ING3: variants seen among roughly 807,000 people sequenced by gnomAD.
ING3 encodes inhibitor of growth family member 3.
ING3 carries 6 observed loss-of-function variants against 64.8 expected under a neutral mutation model. The ratio of observed to expected loss-of-function variants is 0.09; its 90% CI spans 0.05 to 0.18. ING3 has a LOEUF of 0.18. ING3 is among the 10% of genes least tolerant of loss of function. The pLI is 1.00. For synonymous variants in ING3, 170 were observed against 173.7 expected (o/e 0.98, Z 0.17); for missense variants, 310 against 489.7 (o/e 0.63, Z 3.46).
chr7:120,956,050 A>G, intron 4 of ING3: 2 of 757,508 alleles, frequency 2.6e-6, no homozygotes, highest in Non-Finnish European at 4.6e-6. Context: ...AAGAAGAATC[A>G]TTTGAATCAG....
chr7:120,964,351 T>C (rs1419609693), intron 4 of ING3, among the ~76,000 whole-genome samples: 1 of 152,158 alleles, frequency 6.6e-6, no homozygotes, highest in Non-Finnish European at 1.5e-5. Context: ...GATGGCCTTA[T>C]AAGCAGGAGG....
At chr7:120,953,187 T>C in intron 2 of ING3, 117 bp from the exon 3 acceptor site, 2 of 542,642 alleles carry the variant, frequency 3.7e-6, no homozygotes, top group South Asian at 5.6e-5. Context: ...CATATTTAAG[T>C]TACTGGCAAG....
chr7:120,968,112 A>G, intron 8 of ING3, 21 bp downstream of exon 8: 1 of 1,600,158 alleles, frequency 6.2e-7, no homozygotes, highest in South Asian at 1.1e-5. Flanking sequence ...AAGGGTTTAG[A>G]GACAAAATGT....
Position 120,974,898 on chromosome 7 carries a change from G to A in ING3, c.*54G>A. ...AAACTTCAGCTGAAGATTTTATATA[G>A]GACTTTAAAAAGAAGAGAAGAGAAA... On this transcript the variant is annotated 3_prime_UTR_variant, in exon 12 of 12. Coordinates refer to ENST00000315870, the MANE Select transcript of ING3 (RefSeq NM_019071.3). 1 of 1,235,678 alleles carries A rather than the reference G, an allele frequency of 8.1e-7. No homozygotes were observed. Among genetic ancestry groups the A allele is most frequent in the Non-Finnish European group, 1.2e-6 (1 of 867,442 alleles). The allele number at this position is 1,235,678 out of a possible 1,614,324, so 76.5% of individuals were successfully genotyped here. A position where few individuals can be genotyped will look rare whatever the true frequency, so the allele number is the denominator to read the frequency against.
chr7:120,973,310 C>G (rs549318099), intron 11 of ING3, 67 bp downstream of exon 11: 10 of 1,053,308 alleles, frequency 9.5e-6, no homozygotes, highest in Non-Finnish European at 1.5e-5. Context: ...GAATATTTGT[C>G]TTATTTGCTG....
chr7:120,967,422 G>C (rs1483764718), intron 6 of ING3, 107 bp from the exon 7 acceptor site: 3 of 715,122 alleles, frequency 4.2e-6, no homozygotes, highest in Non-Finnish European at 6.4e-6. Flanking sequence ...TGTATTTTAT[G>C]AGGAACCCAG....
chr7:120,964,915 G>T (rs529358797), intron 5 of ING3, 77 bp downstream of exon 5: 2 of 1,189,178 alleles, frequency 1.7e-6, no homozygotes, highest in South Asian at 2.6e-5. Context: ...GTCCCACAGA[G>T]GCTTTTGAAA....
At chr7:120,961,176 A>G (rs1042932845) in intron 4 of ING3, among the ~76,000 whole-genome samples, 1 of 152,194 alleles carries the variant, frequency 6.6e-6, no homozygotes, top group Admixed American at 6.5e-5. Flanking sequence ...GTTATATGCT[A>G]AGGCCTCTCA....
At chr7:120,964,579 C>T (rs893250488) in intron 4 of ING3, among the ~76,000 whole-genome samples, 163 bp from the exon 5 acceptor site, 2 of 152,120 alleles carry the variant, frequency 1.3e-5, no homozygotes, top group Non-Finnish European at 2.9e-5. Flanking sequence ...GCCTAACACC[C>T]TCATTTTATA....
chr7:120,965,916 GTGAGTAA>G (rs1795991545), intron 5 of ING3, among the ~76,000 whole-genome samples: 1 of 152,160 alleles, frequency 6.6e-6, no homozygotes, highest in East Asian at 1.9e-4. Flanking sequence ...GATGATAGCT[GTGAGTAA>G]TGATAATTCA....
intron 5 of ING3, 124 bp downstream of exon 5, chr7:120,964,962 T>C (rs548452439): frequency 1.4e-6 from 1 of 700,216 alleles, no homozygotes; most frequent in Non-Finnish European, 2.5e-6. Context: ...CCAGGCCAGA[T>C]AGCTTGGACC....
intron 5 of ING3, among the ~76,000 whole-genome samples, chr7:120,965,915 TGTGA>T (rs1273907558): frequency 6.6e-6 from 1 of 152,218 alleles, no homozygotes; most frequent in East Asian, 1.9e-4. Context: ...TGATGATAGC[TGTGA>T]GTAATGATAA....
In ING3 at chr7:120,969,132, C is replaced by T. The variant is rs753997717; in HGVS notation, c.836C>T (p.Ser279Leu). 19 of 1,613,956 alleles carry T rather than the reference C, an allele frequency of 1.2e-5. No individual in the cohort carries two copies. The highest frequency in any genetic ancestry group is 6.7e-5 in the Admixed American group (4 of 59,988). Residue 279 changes from serine (S) to leucine (L), a missense_variant, in exon 9 of 12, where the codon TCG becomes TTG. Ser to Leu is a moderately radical substitution (Grantham distance 145, BLOSUM62 -2). Transcript: ENST00000315870. ...GAAACAGTTGGCTATTCATCATCTT[C>T]GGCACTTATGACAACATTAACACAG... The part of the protein sequence containing the change: ...ARETVGYSSS[S>L]ALMTTLTQNA...
chr7:120,951,130 G>A (rs1408924319), intron 1 of ING3, 34 bp from the exon 2 acceptor site: 1 of 1,610,682 alleles, frequency 6.2e-7, no homozygotes, highest in African/African-American at 1.3e-5. Flanking sequence ...TTCGCCGTTG[G>A]CCCCGCCCCT....
Position 120,964,721 on chromosome 7 carries a change from CT to C in ING3, c.268-18del. ...CAGTGTCCCAAATTTTGGTGGTTAT[CT>C]TTGATCTTCTTTGAAACAGGTAGAT... On this transcript the variant is annotated intron_variant, in intron 4 of 11. Coordinates refer to ENST00000315870, the MANE Select transcript of ING3 (RefSeq NM_019071.3). The C allele has an allele frequency of 6.2e-7, 1 of 1,606,676 alleles. No homozygotes were observed. Among genetic ancestry groups the C allele is most frequent in the Non-Finnish European group, 8.5e-7 (1 of 1,173,500 alleles).
chr7:120,961,740 A>G (rs1795936572), intron 4 of ING3, among the ~76,000 whole-genome samples: 2 of 152,232 alleles, frequency 1.3e-5, no homozygotes, highest in African/African-American at 4.8e-5. Context: ...TAGAAAAATT[A>G]TAGGAGTTTA....
chr7:120,967,561 A>G lies in ING3; in HGVS notation c.469A>G (p.Thr157Ala). Residue 157 changes from threonine (T) to alanine (A), a missense_variant, in exon 7 of 12, where the codon ACA (threonine) becomes GCA (alanine). Thr to Ala is a moderately conservative substitution (Grantham distance 58). This residue lies in a region of ING3 where 233 missense variants were observed against 289.4 expected (regional missense o/e 0.81). Coordinates refer to ENST00000315870, the MANE Select transcript of ING3 (RefSeq NM_019071.3). ...ATATAATCCAACTTCTCACCATACG[A>G]CAACAGATCATATTCCTGAAAAGAA... ...RKYNPTSHHT[T>A]TDHIPEKKFK... 6.3e-7 allele frequency: 1 copy of G among 1,586,836 alleles called. No homozygotes were observed. The highest frequency in any genetic ancestry group is 8.6e-7 in the Non-Finnish European group (1 of 1,157,816).
At chr7:120,962,793 T>C (rs942692134) in intron 4 of ING3, among the ~76,000 whole-genome samples, 1 of 152,146 alleles carries the variant, frequency 6.6e-6, no homozygotes, top group Non-Finnish European at 1.5e-5. Context: ...CCTTCGTGTC[T>C]ACCAGTGTTA....
At chr7:120,968,845 C>CAAAAAAAAAAAAAAAAAA (rs377274991) in intron 8 of ING3, among the ~76,000 whole-genome samples, 166 bp from the exon 9 acceptor site, 1 of 59,306 alleles carries the variant, frequency 1.7e-5, no homozygotes. Flanking sequence ...AACTCCACCT[C>CAAAAAAAAAAAAAAAAAA]AAAAAAAAAA....
Sources: gnomAD v4.1 joint callset for allele counts (sites outside exome capture counted in the v4.1 genomes callset) on GRCh38, gnomAD v4.1.1 for gene constraint, gnomAD v4.1.1 regional missense constraint, MANE v1.5 for transcripts, NCBI Gene and HGNC (gene_info 2026-07-23, HGNC 2026-07-21) for gene names.